Variants in AKAP6 observed in about 807,000 individuals in gnomAD.
AKAP6 encodes the protein A-kinase anchor protein 6.
In AKAP6, 58 loss-of-function variants were observed where a neutral mutation model predicts 188.5. That is an observed-to-expected ratio of 0.31 (90% CI 0.25 to 0.38). AKAP6 has a LOEUF of 0.38. Ranked by LOEUF, AKAP6 falls within the 10% of genes least tolerant of loss-of-function variation. The pLI is 1.00. For synonymous variants in AKAP6, 989 were observed against 998.6 expected (o/e 0.99, Z 0.18); for missense variants, 2,710 against 2,740.0 (o/e 0.99, Z 0.24).
At chr14:32,377,925 G>C (rs751429297) in intron 1 of AKAP6, among the ~76,000 whole-genome samples, 1 of 152,062 alleles carries the variant, frequency 6.6e-6, no homozygotes, top group Non-Finnish European at 1.5e-5. Flanking sequence ...CATATGTTAA[G>C]GTGGTGGTGG....
At chr14:32,715,287 T>A (rs2030128757) in intron 9 of AKAP6, among the ~76,000 whole-genome samples, 1 of 152,060 alleles carries the variant, frequency 6.6e-6, no homozygotes. Flanking sequence ...CTAATTATTT[T>A]ACTTTTACTT....
At chr14:32,681,441 A>G (rs1889671352) in intron 8 of AKAP6, among the ~76,000 whole-genome samples, 1 of 152,158 alleles carries the variant, frequency 6.6e-6, no homozygotes, top group African/African-American at 2.4e-5. Flanking sequence ...AAGGTAATCT[A>G]TAAAGTCACT....
At position 32,786,300 on chromosome 14, in the gene AKAP6, T is replaced by G. The variant is rs1292993526; in HGVS notation, c.3588+12407T>G. On this transcript the variant is annotated intron_variant, in intron 12 of 13. Transcript: ENST00000280979. ...CTCTGAAAGACCTAAACCTTTATCT[T>G]TTTTTTTTTTTTTTTTTTTTTTTTT... 1.1e-3 allele frequency among the ~76,000 whole-genome samples: 58 copies of G among 52,272 alleles called. 15 individuals carry two copies. The highest frequency in any genetic ancestry group is 9.9e-3 in the South Asian group (13 of 1,308). 34.3% of individuals were successfully genotyped at this position (52,272 alleles called of 152,430 possible).
intron 9 of AKAP6, among the ~76,000 whole-genome samples, chr14:32,707,838 C>T (rs1890876465): frequency 6.6e-6 from 1 of 151,936 alleles, no homozygotes; most frequent in South Asian, 2.1e-4. Flanking sequence ...CCTGGCAAAA[C>T]CAAAGTGCAG....
At chr14:32,456,634 T>C (rs558807791) in intron 2 of AKAP6, among the ~76,000 whole-genome samples, 1 of 152,238 alleles carries the variant, frequency 6.6e-6, no homozygotes, top group Non-Finnish European at 1.5e-5. Flanking sequence ...GATAATGGTT[T>C]GTCAAATGGC....
chr14:32,724,039 C>T (rs1377784989), intron 9 of AKAP6, among the ~76,000 whole-genome samples: 3 of 150,098 alleles, frequency 2.0e-5, no homozygotes, highest in African/African-American at 4.9e-5. Context: ...GGGAAATCAA[C>T]GAACATTACA....
At chr14:32,548,092 GCT>G (rs1883277439) in intron 4 of AKAP6, among the ~76,000 whole-genome samples, 1 of 122,264 alleles carries the variant, frequency 8.2e-6, no homozygotes, top group East Asian at 2.3e-4. Flanking sequence ...TCTCCCACAT[GCT>G]TTTTTTTTTT....
intron 1 of AKAP6, 157 bp from the exon 2 acceptor site, chr14:32,433,303 A>G (rs774244192): frequency 1.7e-5 from 10 of 593,850 alleles, no homozygotes; most frequent in Non-Finnish European, 2.9e-5. Context: ...TACCATGTAG[A>G]AAATCAAAAC....
At chr14:32,597,360 A>G (rs1220126997) in intron 5 of AKAP6, among the ~76,000 whole-genome samples, 6 of 152,170 alleles carry the variant, frequency 3.9e-5, no homozygotes, top group Admixed American at 6.5e-5. Flanking sequence ...AATTTCTACA[A>G]TAAGTTTCTT....
chr14:32,525,516 C>T (rs937244898), intron 2 of AKAP6, among the ~76,000 whole-genome samples: 1 of 152,144 alleles, frequency 6.6e-6, no homozygotes, highest in Non-Finnish European at 1.5e-5. Context: ...CTGTATTCTG[C>T]ATCTTCATCA....
chr14:32,480,967 G>A (rs1436971052), intron 2 of AKAP6, among the ~76,000 whole-genome samples: 1 of 152,194 alleles, frequency 6.6e-6, no homozygotes, highest in African/African-American at 2.4e-5. Context: ...TCAAGCAACA[G>A]ATAAGTGAGA....
chr14:32,451,405 A>G (rs1329985983), intron 2 of AKAP6, among the ~76,000 whole-genome samples: 1 of 152,176 alleles, frequency 6.6e-6, no homozygotes, highest in Non-Finnish European at 1.5e-5. Flanking sequence ...AGTTTGCACA[A>G]AAGATATAGC....
intron 2 of AKAP6, among the ~76,000 whole-genome samples, chr14:32,462,871 T>C (rs1891376648): frequency 1.1e-5 from 1 of 91,322 alleles, no homozygotes; most frequent in Non-Finnish European, 2.1e-5. Context: ...AATAAAGGTA[T>C]GGAGGAATAT....
chr14:32,547,530 T>A (rs928003068), intron 4 of AKAP6, among the ~76,000 whole-genome samples: 1 of 152,196 alleles, frequency 6.6e-6, no homozygotes, highest in African/African-American at 2.4e-5. Flanking sequence ...ATAACCATAT[T>A]ACCTATACAT....
chr14:32,595,000 A>G (rs1424619836), intron 5 of AKAP6, among the ~76,000 whole-genome samples: 1 of 152,162 alleles, frequency 6.6e-6, no homozygotes, highest in African/African-American at 2.4e-5. Flanking sequence ...GCACTGAGAA[A>G]AACTTAAAAA....
intron 9 of AKAP6, among the ~76,000 whole-genome samples, chr14:32,717,224 A>G (rs1014235075): frequency 1.3e-5 from 2 of 152,138 alleles, no homozygotes; most frequent in Admixed American, 6.6e-5. Context: ...TGTTGTGGCT[A>G]TAAGCTGTGC....
At chr14:32,417,693 T>A (rs1239748216) in intron 1 of AKAP6, 5 of 152,218 alleles carry the variant, frequency 3.3e-5, no homozygotes, top group Admixed American at 6.5e-5. Flanking sequence ...CTTATAAATC[T>A]AAGTTTTTCT....
intron 1 of AKAP6, among the ~76,000 whole-genome samples, chr14:32,385,882 A>T (rs1177403828): frequency 6.7e-6 from 1 of 149,274 alleles, no homozygotes; most frequent in Non-Finnish European, 1.5e-5. Context: ...TATATCATAT[A>T]TATCACAGTT....
intron 1 of AKAP6, among the ~76,000 whole-genome samples, chr14:32,421,471 CT>C (rs1410520845): frequency 2.0e-5 from 3 of 151,818 alleles, no homozygotes; most frequent in Admixed American, 6.6e-5. Flanking sequence ...TCCCAGAGTC[CT>C]TTTTTTGTTC....
Sources: allele counts gnomAD v4.1 joint callset (sites outside exome capture counted in the v4.1 genomes callset), GRCh38; gene constraint gnomAD v4.1.1; transcripts MANE v1.5; gene names NCBI Gene and HGNC (gene_info 2026-07-23, HGNC 2026-07-21).